SYTL3: variants seen among roughly 807,000 people sequenced by gnomAD.
SYTL3 encodes synaptotagmin-like protein 3.
A neutral mutation model predicts 82.1 loss-of-function variants in SYTL3; 88 were observed. The ratio of observed to expected loss-of-function variants is 1.07; its 90% CI spans 0.90 to 1.28. The LOEUF is 1.28. Ranked by LOEUF, SYTL3 falls within the 50% of genes most tolerant of loss-of-function variation. SYTL3 has a pLI of 0.00. For missense variants in SYTL3, 831 were observed against 757.6 expected (o/e 1.10, Z -1.14); for synonymous variants, 311 against 289.4 (o/e 1.07, Z -0.76).
chr6:158,689,054 A>G (rs548211883), intron 6 of SYTL3, among the ~76,000 whole-genome samples: 2 of 152,364 alleles, frequency 1.3e-5, no homozygotes, highest in South Asian at 4.1e-4. Flanking sequence ...GGAATGTGTC[A>G]TCATTTGTTT....
chr6:158,761,618 A>T (rs1036244696), intron 15 of SYTL3, among the ~76,000 whole-genome samples: 1 of 152,088 alleles, frequency 6.6e-6, no homozygotes, highest in Non-Finnish European at 1.5e-5. Flanking sequence ...CAGAATGCAC[A>T]TTTCTGTTGT....
chr6:158,654,562 G>A (rs1788442546), intron 2 of SYTL3, among the ~76,000 whole-genome samples: 1 of 152,194 alleles, frequency 6.6e-6, no homozygotes, highest in Admixed American at 6.5e-5. Flanking sequence ...TCCTGAAGGG[G>A]AGATGGAAGG....
At chr6:158,701,066 G>A (rs1781167819) in intron 6 of SYTL3, among the ~76,000 whole-genome samples, 1 of 152,242 alleles carries the variant, frequency 6.6e-6, no homozygotes, top group East Asian at 1.9e-4. Flanking sequence ...TAGTGCAGGC[G>A]TGCACAGTAA....
intron 14 of SYTL3, among the ~76,000 whole-genome samples, chr6:158,760,183 G>A (rs527825001): frequency 4.1e-4 from 63 of 152,222 alleles, no homozygotes; most frequent in African/African-American, 1.4e-3. Flanking sequence ...GCCACCCCCT[G>A]TGGCTCTGGA....
At chr6:158,685,363 G>A (rs913225690) in intron 6 of SYTL3, among the ~76,000 whole-genome samples, 6 of 151,778 alleles carry the variant, frequency 4.0e-5, no homozygotes, top group African/African-American at 7.3e-5. Flanking sequence ...ACAGGCACAC[G>A]CCCCATGTCT....
intron 7 of SYTL3, among the ~76,000 whole-genome samples, chr6:158,707,882 C>G (rs1186721177): frequency 6.6e-6 from 1 of 152,202 alleles, no homozygotes; most frequent in African/African-American, 2.4e-5. Context: ...TTTTTCCTCC[C>G]CTGTTCTTTC....
chr6:158,674,098 A>AATAATAATAAC (rs1554244722), intron 5 of SYTL3, among the ~76,000 whole-genome samples: 1 of 139,206 alleles, frequency 7.2e-6, no homozygotes, highest in African/African-American at 3.0e-5. Context: ...TAATAATAAT[A>AATAATAATAAC]ATAATAATAA....
At position 158,745,793 on chromosome 6, in the gene SYTL3, A is replaced by T. The variant is rs530322087; in HGVS notation, c.1034+135A>T. On this transcript the variant is annotated intron_variant, in intron 12 of 17. Transcript: ENST00000611299. ...GAAAAGGCTTACTTCAAGTATTATT[A>T]TAAAGCTGTAGCAATGCAAACAATG... The T allele has an allele frequency of 6.6e-6, 5 of 756,590 alleles. No homozygotes were observed. In the Admixed American group the frequency reaches 1.6e-4, roughly 24 times the overall value. 46.9% of individuals were successfully genotyped at this position (756,590 alleles called of 1,614,324 possible).
At chr6:158,692,062 C>G (rs1456396967) in intron 6 of SYTL3, among the ~76,000 whole-genome samples, 1 of 146,294 alleles carries the variant, frequency 6.8e-6, no homozygotes, top group Admixed American at 6.8e-5. Flanking sequence ...TCGAGACCAT[C>G]CTGGCTAACA....
At position 158,747,560 on chromosome 6, in the gene SYTL3, C is replaced by T. The variant is rs867300676; in HGVS notation, c.1034+1902C>T. On this transcript the variant is annotated intron_variant, in intron 12 of 17. Coordinates refer to ENST00000611299, the MANE Select transcript of SYTL3 (RefSeq NM_001242394.2). ...TTCACTGCAGGCTCAAGCCATCTCCCTGCCTCAGCCTCCTGAGTAGTTGGG... is the reference window on the plus strand; with the variant it reads ...TTCACTGCAGGCTCAAGCCATCTCCTTGCCTCAGCCTCCTGAGTAGTTGGG... Among the ~76,000 whole-genome samples the T allele has an allele frequency of 2.6e-5, 4 of 152,164 alleles. 1 individual carries two copies. The highest frequency in any genetic ancestry group is 5.9e-5 in the Non-Finnish European group (4 of 68,032).
Position 158,663,155 on chromosome 6 carries a change from A to G in SYTL3, c.-114A>G. ...CAGTTGCCAGTGAAATAGGAGAGGG[A>G]GCTCTTTAAACAAGGCTGGCTGCAG... On this transcript the variant is annotated 5_prime_UTR_variant, in exon 4 of 18. Transcript: ENST00000611299. 1 of 798,146 alleles carries G rather than the reference A, an allele frequency of 1.3e-6. No homozygotes were observed. Among genetic ancestry groups the G allele is most frequent in the South Asian group, 1.7e-5 (1 of 60,036 alleles). The allele number at this position is 798,146 out of a possible 1,614,324, so 49.4% of individuals were successfully genotyped here. A position where few individuals can be genotyped will look rare whatever the true frequency, so the allele number is the denominator to read the frequency against.
intron 6 of SYTL3, among the ~76,000 whole-genome samples, chr6:158,688,607 A>G (rs915358050): frequency 2.0e-5 from 3 of 152,246 alleles, no homozygotes; most frequent in African/African-American, 7.2e-5. Context: ...TAAAAAAATT[A>G]AATGAAATTA....
intron 12 of SYTL3, among the ~76,000 whole-genome samples, chr6:158,749,976 T>G (rs1788188128): frequency 6.6e-6 from 1 of 152,138 alleles, no homozygotes; most frequent in African/African-American, 2.4e-5. Context: ...ATGTGCACCA[T>G]GAGCAGAGGG....
intron 5 of SYTL3, among the ~76,000 whole-genome samples, chr6:158,673,976 C>G (rs1777704923): frequency 1.3e-5 from 2 of 150,722 alleles, no homozygotes; most frequent in South Asian, 4.2e-4. Flanking sequence ...CCCAGCTACT[C>G]CGGAGGCTGA....
intron 11 of SYTL3, among the ~76,000 whole-genome samples, chr6:158,741,896 G>A: frequency 6.6e-6 from 1 of 152,130 alleles, no homozygotes; most frequent in Non-Finnish European, 1.5e-5. Context: ...TGTAGTTGTG[G>A]GAGCAGCTTC....
intron 13 of SYTL3, among the ~76,000 whole-genome samples, chr6:158,752,763 G>A (rs1309891687): frequency 1.3e-5 from 2 of 152,222 alleles, no homozygotes; most frequent in Non-Finnish European, 2.9e-5. Flanking sequence ...GCCTATGACA[G>A]GAGAGGGCTT....
At chr6:158,669,957 T>TTTG (rs145009799) in intron 5 of SYTL3, among the ~76,000 whole-genome samples, 4 of 152,032 alleles carry the variant, frequency 2.6e-5, no homozygotes, top group East Asian at 1.9e-4. Context: ...AAAAAGGTTT[T>TTTG]TTGTTGTTGT....
At chr6:158,649,185 G>C (rs1787719618), upstream of SYTL3, among the ~76,000 whole-genome samples, 1 of 152,244 alleles carries the variant, frequency 6.6e-6, no homozygotes, top group Non-Finnish European at 1.5e-5. Context: ...TTCTGTGTTT[G>C]TGAAAACACT....
intron 5 of SYTL3, among the ~76,000 whole-genome samples, chr6:158,675,311 G>A (rs1012235564): frequency 6.6e-6 from 1 of 152,130 alleles, no homozygotes; most frequent in African/African-American, 2.4e-5. Flanking sequence ...AGAGTTATTC[G>A]TGTTTTGTAA....
Sources: allele counts gnomAD v4.1 joint callset (sites outside exome capture counted in the v4.1 genomes callset), GRCh38; gene constraint gnomAD v4.1.1; transcripts MANE v1.5; gene names NCBI Gene and HGNC (gene_info 2026-07-23, HGNC 2026-07-21).